TAFA1: variants seen among roughly 807,000 people sequenced by gnomAD.
TAFA1 encodes the protein TAFA chemokine like family member 1, also known as chemokine-like protein TAFA-1.
Under a neutral mutation model 18.5 loss-of-function variants are expected in TAFA1, and 4 were observed. That is an observed-to-expected ratio of 0.22 (90% confidence interval 0.11 to 0.49). The LOEUF (loss-of-function observed/expected upper bound fraction) is 0.49. Ranked by LOEUF, TAFA1 falls within the 20% of genes least tolerant of loss-of-function variation. The pLI is 0.98. For synonymous variants in TAFA1, 56 were observed against 55.2 expected, an observed-to-expected ratio of 1.01 and a Z score of -0.06; for missense variants, 147 against 169.0, an observed-to-expected ratio of 0.87 and a Z score of 0.72.
intron 3 of TAFA1, among the ~76,000 whole-genome samples, chr3:68,479,247 T>C (rs1217299833): frequency 1.5e-5 from 2 of 130,696 alleles, no homozygotes; most frequent in Non-Finnish European, 3.1e-5. Context: ...AAAAAATATA[T>C]ATATATATAT....
intron 2 of TAFA1, among the ~76,000 whole-genome samples, chr3:68,151,842 C>T (rs78093389): frequency 0.043 from 6,496 of 152,220 alleles, 483 homozygotes; most frequent in African/African-American, 0.15. Flanking sequence ...CCCTGTTCTA[C>T]ACCAAAACTT....
At chr3:68,289,837 T>A (rs777152792) in intron 2 of TAFA1, among the ~76,000 whole-genome samples, 1 of 152,190 alleles carries the variant, frequency 6.6e-6, no homozygotes, top group African/African-American at 2.4e-5. Flanking sequence ...AAGAGATTTG[T>A]GGAGCAAACT....
chr3:68,289,958 A>G (rs1257611284), intron 2 of TAFA1, among the ~76,000 whole-genome samples: 1 of 152,242 alleles, frequency 6.6e-6, no homozygotes, highest in Non-Finnish European at 1.5e-5. Context: ...TAAGCGGTAG[A>G]ACTAGGCACC....
chr3:68,166,184 G>C (rs2065980229), intron 2 of TAFA1, among the ~76,000 whole-genome samples: 1 of 152,182 alleles, frequency 6.6e-6, no homozygotes, highest in South Asian at 2.1e-4. Flanking sequence ...TCATTGTTAA[G>C]GTCTTATTTG....
intron 2 of TAFA1, among the ~76,000 whole-genome samples, chr3:68,396,108 G>A (rs1312510990): frequency 6.6e-6 from 1 of 152,036 alleles, no homozygotes; most frequent in African/African-American, 2.4e-5. Context: ...ATTATTTTGT[G>A]AGGACTTTTG....
chr3:68,155,414 T>G (rs1385111216), intron 2 of TAFA1, among the ~76,000 whole-genome samples: 1 of 152,172 alleles, frequency 6.6e-6, no homozygotes, highest in East Asian at 1.9e-4. Context: ...GCTTACTTTT[T>G]CCAGCATTAA....
At chr3:68,148,038 GTTC>G (rs1254806313) in intron 2 of TAFA1, among the ~76,000 whole-genome samples, 4 of 152,210 alleles carry the variant, frequency 2.6e-5, no homozygotes, top group African/African-American at 9.6e-5. Flanking sequence ...TTCTGCCAAT[GTTC>G]TTGTCTTTGA....
chr3:68,157,294 T>C (rs1241022145), intron 2 of TAFA1, among the ~76,000 whole-genome samples: 1 of 152,202 alleles, frequency 6.6e-6, no homozygotes, highest in African/African-American at 2.4e-5. Flanking sequence ...CTTTTATAGG[T>C]TCATGATCTT....
rs79451415 is a variant in TAFA1 at position 68,051,388 on chromosome 3, A to G, written c.118+44644A>G. Among the ~76,000 whole-genome samples the G allele has an allele frequency of 9.1e-3, 1,386 of 152,274 alleles. 23 individuals are homozygous for G. Among genetic ancestry groups the G allele is most frequent in the African/African-American group, 0.031 (1,274 of 41,560 alleles). ...ACTAGTTAAAATTGAATAACCTATT[A>G]GAACTGCATGGATTCGGATCAGTGG... On this transcript the variant is annotated intron_variant, in intron 2 of 4. Transcript: ENST00000478136.
At chr3:68,019,721 CA>C (rs767609845) in intron 2 of TAFA1, among the ~76,000 whole-genome samples, 20 of 152,124 alleles carry the variant, frequency 1.3e-4, no homozygotes, top group Non-Finnish European at 2.9e-5. Flanking sequence ...CCTATATAAT[CA>C]GACCTGAAAT....
At chr3:68,183,136 T>C (rs543545564) in intron 2 of TAFA1, among the ~76,000 whole-genome samples, 1 of 152,240 alleles carries the variant, frequency 6.6e-6, no homozygotes, top group Non-Finnish European at 1.5e-5. Flanking sequence ...GGTGAAATGG[T>C]GGTTTGAGAG....
rs561876585 is a variant in TAFA1 at position 68,502,943 on chromosome 3, G to C, written c.260-35813G>C. On this transcript the variant is annotated intron_variant, in intron 3 of 4. Coordinates refer to ENST00000478136, the MANE Select transcript of TAFA1 (RefSeq NM_213609.4). ...GGAAACAGCCCAAATGCCCACCAGC[G>C]GGGGAATAGCTAAACAAAATGTGAT... Among the ~76,000 whole-genome samples, 8 of 152,220 alleles carry C rather than the reference G, an allele frequency of 5.3e-5. No individual in the cohort carries two copies. In the South Asian group the frequency reaches 1.7e-3, roughly 32 times the overall value.
At chr3:68,387,655 T>C (rs976473046) in intron 2 of TAFA1, among the ~76,000 whole-genome samples, 2 of 152,146 alleles carry the variant, frequency 1.3e-5, no homozygotes, top group Non-Finnish European at 1.5e-5. Flanking sequence ...CTGTTTCCTT[T>C]AGTGAGTCGT....
chr3:68,177,088 T>C (rs781409731), intron 2 of TAFA1, among the ~76,000 whole-genome samples: 5 of 152,206 alleles, frequency 3.3e-5, no homozygotes, highest in African/African-American at 4.8e-5. Flanking sequence ...GTCAACTGTT[T>C]ATATTCTATG....
chr3:68,143,647 G>A (rs2065698030), intron 2 of TAFA1, among the ~76,000 whole-genome samples: 1 of 152,168 alleles, frequency 6.6e-6, no homozygotes, highest in African/African-American at 2.4e-5. Flanking sequence ...TTCGGACATG[G>A]CCAAGTGTTC....
At chr3:68,435,995 C>T (rs7622452) in intron 3 of TAFA1, among the ~76,000 whole-genome samples, 29,133 of 152,054 alleles carry the variant, frequency 0.19, 3,008 homozygotes, top group Admixed American at 0.27. Context: ...AGGGTCTAGA[C>T]ATTTGCATTT....
At chr3:68,138,760 A>C (rs6776172) in intron 2 of TAFA1, among the ~76,000 whole-genome samples, 1 of 152,116 alleles carries the variant, frequency 6.6e-6, no homozygotes, top group African/African-American at 2.4e-5. Context: ...AACTGAGCAC[A>C]TGGTGTGTAT....
intron 2 of TAFA1, among the ~76,000 whole-genome samples, chr3:68,078,521 G>C (rs1190224262): frequency 6.6e-6 from 1 of 152,052 alleles, no homozygotes; most frequent in Non-Finnish European, 1.5e-5. Context: ...TTAGCATGAA[G>C]GGTTGTTGAA....
At chr3:68,081,595 G>T (rs979078498) in intron 2 of TAFA1, among the ~76,000 whole-genome samples, 3 of 152,188 alleles carry the variant, frequency 2.0e-5, no homozygotes, top group Admixed American at 6.5e-5. Flanking sequence ...ATGTGCCCCT[G>T]CTGAGGGGTG....
Sources: gnomAD v4.1 joint callset for allele counts (sites outside exome capture counted in the v4.1 genomes callset) on GRCh38, gnomAD v4.1.1 for gene constraint, MANE v1.5 for transcripts, NCBI Gene and HGNC (gene_info 2026-07-23, HGNC 2026-07-21) for gene names.